EEPD1: variants seen among roughly 807,000 people sequenced by gnomAD.
EEPD1 encodes the protein endonuclease/exonuclease/phosphatase family domain-containing protein 1.
A neutral mutation model predicts 46.3 loss-of-function variants in EEPD1; 17 were observed. The ratio of observed to expected loss-of-function variants is 0.37; its 90% confidence interval spans 0.25 to 0.55. The LOEUF (loss-of-function observed/expected upper bound fraction) is 0.55. Ranked by LOEUF, EEPD1 falls within the 20% of genes least tolerant of loss-of-function variation. The probability of loss-of-function intolerance (pLI) is 0.83; values close to 1 mark genes in which losing one functional copy is unlikely to be tolerated. For missense variants in EEPD1, 673 were observed against 745.6 expected (o/e 0.90, Z 1.13); for synonymous variants, 313 against 315.6 (o/e 0.99, Z 0.09).
chr7:36,272,964 C>T (rs1404535902), intron 3 of EEPD1, among the ~76,000 whole-genome samples: 1 of 152,192 alleles, frequency 6.6e-6, no homozygotes, highest in Non-Finnish European at 1.5e-5. Context: ...CCACCAGCCC[C>T]GGCCCCTCCT....
intron 2 of EEPD1, among the ~76,000 whole-genome samples, chr7:36,191,155 C>T (rs984131490): frequency 3.3e-5 from 5 of 152,224 alleles, no homozygotes; most frequent in Non-Finnish European, 5.9e-5. Context: ...GGGAAGCATT[C>T]TCCTGAGAAG....
At chr7:36,286,895 CCT>C (rs1318848810) in intron 5 of EEPD1, among the ~76,000 whole-genome samples, 1 of 152,072 alleles carries the variant, frequency 6.6e-6, no homozygotes, top group African/African-American at 2.4e-5. Flanking sequence ...TCTCAAATTG[CCT>C]CAAGTGATCC....
At chr7:36,158,180 C>T (rs1489175396) in intron 2 of EEPD1, among the ~76,000 whole-genome samples, 1 of 152,194 alleles carries the variant, frequency 6.6e-6, no homozygotes, top group Non-Finnish European at 1.5e-5. Flanking sequence ...ATGACTCTAT[C>T]AGGCAGCTCC....
At chr7:36,273,623 C>T (rs533159834) in intron 3 of EEPD1, among the ~76,000 whole-genome samples, 1 of 152,224 alleles carries the variant, frequency 6.6e-6, no homozygotes, top group Admixed American at 6.5e-5. Context: ...CATATTTCCT[C>T]TCTCAGTTGT....
intron 3 of EEPD1, among the ~76,000 whole-genome samples, chr7:36,255,742 GTCTA>G (rs1265381817): frequency 5.9e-5 from 9 of 152,206 alleles, no homozygotes; most frequent in South Asian, 4.2e-4. Flanking sequence ...CTGGCTAGTG[GTCTA>G]TCTATTTTGT....
At chr7:36,290,678 T>A (rs992348116) in intron 6 of EEPD1, among the ~76,000 whole-genome samples, 6 of 152,052 alleles carry the variant, frequency 3.9e-5, no homozygotes, top group African/African-American at 1.4e-4. Context: ...GGGGACAGGG[T>A]CTCCCTCTGT....
At chr7:36,260,162 T>A (rs1389382728) in intron 3 of EEPD1, among the ~76,000 whole-genome samples, 3 of 152,260 alleles carry the variant, frequency 2.0e-5, no homozygotes, top group African/African-American at 7.2e-5. Context: ...GCTGTTCATT[T>A]TGTCATAGGG....
intron 3 of EEPD1, among the ~76,000 whole-genome samples, chr7:36,247,835 G>A (rs1562701281): frequency 6.6e-6 from 1 of 152,214 alleles, no homozygotes; most frequent in South Asian, 2.1e-4. Context: ...AGGTCCATAG[G>A]ATCAGTCCTG....
chr7:36,164,598 T>C (rs1784952030), intron 2 of EEPD1, among the ~76,000 whole-genome samples: 1 of 152,270 alleles, frequency 6.6e-6, no homozygotes, highest in Admixed American at 6.5e-5. Context: ...ACATGTTTAT[T>C]GTAGACCCCA....
chr7:36,207,833 T>C (rs1047903293), intron 2 of EEPD1, among the ~76,000 whole-genome samples: 3 of 151,846 alleles, frequency 2.0e-5, no homozygotes, highest in African/African-American at 4.8e-5. Context: ...CACCATTTCC[T>C]GGAGATTTTG....
chr7:36,296,856 G>A (rs1041273755), intron 6 of EEPD1, 137 bp from the exon 7 acceptor site: 1 of 741,614 alleles, frequency 1.3e-6, no homozygotes, highest in Non-Finnish European at 2.2e-6. Flanking sequence ...AGAGTGAGGA[G>A]AGTGAGAACC....
chr7:36,158,048 T>C (rs145016893), intron 2 of EEPD1, among the ~76,000 whole-genome samples: 34 of 152,344 alleles, frequency 2.2e-4, no homozygotes, highest in Admixed American at 2.0e-4. Context: ...GCCTTCGTGC[T>C]TTCTAACAGC....
At chr7:36,243,308 GTT>G (rs5883540) in intron 3 of EEPD1, among the ~76,000 whole-genome samples, 69 of 147,534 alleles carry the variant, frequency 4.7e-4, no homozygotes, top group Non-Finnish European at 5.4e-4. Flanking sequence ...ATTAAGCCTG[GTT>G]TTTTTTTTTT....
intron 3 of EEPD1, among the ~76,000 whole-genome samples, chr7:36,248,047 G>T (rs1428204902): frequency 6.6e-6 from 1 of 152,156 alleles, no homozygotes; most frequent in African/African-American, 2.4e-5. Context: ...CACACAGGGT[G>T]TGAGGGCTGC....
chr7:36,210,960 C>T (rs944201306), intron 2 of EEPD1, among the ~76,000 whole-genome samples: 3 of 152,204 alleles, frequency 2.0e-5, no homozygotes, highest in African/African-American at 4.8e-5. Flanking sequence ...GGCTTCACCC[C>T]TTACTGCTGT....
At position 36,155,031 on chromosome 7, in the gene EEPD1, G is replaced by C; in HGVS notation, c.707G>C (p.Gly236Ala). Residue 236 changes from glycine (G) to alanine (A), a missense_variant, in exon 2 of 8, where the codon GGG (glycine) becomes GCG (alanine). Coordinates refer to ENST00000242108, the MANE Select transcript of EEPD1 (RefSeq NM_030636.3). Reference sequence around the variant, plus strand: ...AGTGAGGACCTGGACCTGCCGCCAGGGGGGCCCACCCAGATTATCTCCACT... The same window carrying C: ...AGTGAGGACCTGGACCTGCCGCCAGCGGGGCCCACCCAGATTATCTCCACT... ...LQSEDLDLPP[G>A]GPTQIISTRP... 6.2e-7 allele frequency: 1 copy of C among 1,604,630 alleles called. No individual in the cohort carries two copies. The highest frequency in any genetic ancestry group is 2.2e-5 in the East Asian group (1 of 44,722).
At position 36,193,920 on chromosome 7, in the gene EEPD1, AG is replaced by A. The variant is rs1228399073; in HGVS notation, c.878+38719del. 6.6e-6 allele frequency among the ~76,000 whole-genome samples: 1 copy of A among 152,076 alleles called. No homozygotes were observed. The highest frequency in any genetic ancestry group is 2.4e-5 in the African/African-American group (1 of 41,392). ...GTGGACATAATGTGAGCATCTTGAG[AG>A]TTCAGGAGCCTCTTATCCCCATTTG... On this transcript the variant is annotated intron_variant, in intron 2 of 7. Coordinates refer to ENST00000242108, the MANE Select transcript of EEPD1 (RefSeq NM_030636.3). This position sits in a 1 kb window ranked among gnomAD's most constrained non-coding sequence, Gnocchi z 4.9.
At position 36,248,177 on chromosome 7, in the gene EEPD1, T is replaced by C. The variant is rs532547929; in HGVS notation, c.930+9141T>C. Among the ~76,000 whole-genome samples, 113 of 152,132 alleles carry C rather than the reference T, an allele frequency of 7.4e-4. 1 individual carries two copies. The highest frequency in any genetic ancestry group is 1.5e-3 in the Admixed American group (23 of 15,280). On this transcript the variant is annotated intron_variant, in intron 3 of 7. Coordinates refer to ENST00000242108, the MANE Select transcript of EEPD1 (RefSeq NM_030636.3). ...GTCCAAATGAATTACTTCAAGAATC[T>C]TAACTTATAAAAATATATATACTTT...
At chr7:36,281,932 G>A (rs558805242) in intron 4 of EEPD1, among the ~76,000 whole-genome samples, 6 of 152,260 alleles carry the variant, frequency 3.9e-5, no homozygotes, top group African/African-American at 1.4e-4. Context: ...ACAAACACAT[G>A]TGATTTATAC....
Sources: allele counts gnomAD v4.1 joint callset (sites outside exome capture counted in the v4.1 genomes callset), GRCh38; gene constraint gnomAD v4.1.1; non-coding constraint Gnocchi (gnomAD v3.1); transcripts MANE v1.5; gene names NCBI Gene and HGNC (gene_info 2026-07-23, HGNC 2026-07-21).